Variants in SUMF1 observed in about 807,000 individuals in gnomAD.
SUMF1 encodes formylglycine-generating enzyme.
In SUMF1, 48 loss-of-function variants were observed where a neutral mutation model predicts 47.6. That is an observed-to-expected ratio of 1.01 (90% CI 0.80 to 1.28). The LOEUF (loss-of-function observed/expected upper bound fraction) is 1.28, where lower values mean the gene tolerates loss of function less well. SUMF1 is among the 50% of genes most tolerant of loss of function. The pLI is 0.00. For missense variants in SUMF1, 571 were observed against 485.4 expected (o/e 1.18, Z -1.66); for synonymous variants, 230 against 192.1 (o/e 1.20, Z -1.63).
intron 8 of SUMF1, among the ~76,000 whole-genome samples, chr3:4,333,647 G>T (rs941177696): frequency 6.6e-6 from 1 of 152,086 alleles, no homozygotes; most frequent in Non-Finnish European, 1.5e-5. Context: ...ATTCCTTCAA[G>T]TCTGATGGAC....
intron 8 of SUMF1, among the ~76,000 whole-genome samples, chr3:4,200,742 T>C (rs1280663680): frequency 2.0e-5 from 3 of 152,072 alleles, no homozygotes; most frequent in Admixed American, 6.6e-5. Context: ...ATCCATACTA[T>C]CCATACAGGA....
At chr3:4,069,895 C>A (rs962169041) in intron 8 of SUMF1, among the ~76,000 whole-genome samples, 1 of 152,152 alleles carries the variant, frequency 6.6e-6, no homozygotes, top group Non-Finnish European at 1.5e-5. Flanking sequence ...AATCCCCTTT[C>A]CCCTTTGTTT....
At position 4,381,446 on chromosome 3, in the gene SUMF1, A is replaced by G. The variant is rs561445052; in HGVS notation, c.955-5057T>C. Reference sequence around the variant, plus strand: ...CAGATCACCACTAAAGAACTTACCCATGTAACCAAACACCACCTGTTCCCC... The same window carrying G: ...CAGATCACCACTAAAGAACTTACCCGTGTAACCAAACACCACCTGTTCCCC... On this transcript the variant is annotated intron_variant, in intron 7 of 8. Transcript: ENST00000272902. Among the ~76,000 whole-genome samples the G allele has an allele frequency of 1.8e-4, 28 of 152,328 alleles. No homozygotes were observed. The South Asian group carries it at 5.2e-3, about 28-fold the overall frequency.
intron 8 of SUMF1, among the ~76,000 whole-genome samples, chr3:4,243,816 T>C (rs973830152): frequency 6.6e-6 from 1 of 152,176 alleles, no homozygotes; most frequent in Admixed American, 6.5e-5. Context: ...TGGGTAGCCT[T>C]GTTAATTTTC....
chr3:4,096,009 G>A (rs1435381544), intron 8 of SUMF1, among the ~76,000 whole-genome samples: 1 of 152,076 alleles, frequency 6.6e-6, no homozygotes, highest in African/African-American at 2.4e-5. Context: ...GCACTTAACT[G>A]TATGGGATTA....
chr3:4,171,819 C>G (rs1177813313), intron 8 of SUMF1, among the ~76,000 whole-genome samples: 1 of 152,134 alleles, frequency 6.6e-6, no homozygotes, highest in Non-Finnish European at 1.5e-5. Context: ...AAGCTAAGTT[C>G]AGGAAAAAGC....
intron 7 of SUMF1, among the ~76,000 whole-genome samples, chr3:4,377,294 C>T (rs1169743158): frequency 1.3e-5 from 2 of 151,478 alleles, no homozygotes; most frequent in South Asian, 2.1e-4. Flanking sequence ...GTCATGTAAC[C>T]GCTACCACAA....
intron 8 of SUMF1, among the ~76,000 whole-genome samples, chr3:4,093,794 G>A (rs1692841210): frequency 2.0e-5 from 3 of 152,062 alleles, no homozygotes; most frequent in Admixed American, 2.0e-4. Context: ...ACAAGGCAAG[G>A]TGGAATATGT....
Position 4,135,518 on chromosome 3 carries a change from T to A in SUMF1, c.1015-66773A>T, listed in dbSNP as rs187789772. 2.7e-4 allele frequency among the ~76,000 whole-genome samples: 41 copies of A among 152,254 alleles called. 3 individuals carry two copies. The highest frequency in any genetic ancestry group is 9.6e-4 in the African/African-American group (40 of 41,536). The stretch of plus-strand genomic sequence containing the variant: ...TATGACAAACCCATAGCCAATATCA[T>A]ACTGAATGAGCAAAAACTGGAAGCA... On this transcript the variant is annotated intron_variant and NMD_transcript_variant, in intron 8 of 12. Coordinates refer to the SUMF1 transcript ENST00000448413.
chr3:4,194,530 A>G (rs971910468), intron 8 of SUMF1, among the ~76,000 whole-genome samples: 1 of 152,216 alleles, frequency 6.6e-6, no homozygotes, highest in African/African-American at 2.4e-5. Flanking sequence ...GATAATATTT[A>G]CAGATATGGA....
intron 8 of SUMF1, among the ~76,000 whole-genome samples, chr3:4,100,512 T>C (rs1053010685): frequency 6.6e-5 from 10 of 151,962 alleles, no homozygotes; most frequent in African/African-American, 2.4e-4. Flanking sequence ...CTCACTCTTA[T>C]AAAAGAATCA....
intron 8 of SUMF1, among the ~76,000 whole-genome samples, chr3:4,268,812 T>C (rs1450123324): frequency 6.6e-6 from 1 of 152,160 alleles, no homozygotes; most frequent in Non-Finnish European, 1.5e-5. Context: ...TAATGCATTC[T>C]TCTAGTTAAT....
At chr3:4,098,404 G>C (rs946629759) in intron 8 of SUMF1, among the ~76,000 whole-genome samples, 1 of 152,118 alleles carries the variant, frequency 6.6e-6, no homozygotes, top group Admixed American at 6.5e-5. Flanking sequence ...AAATGTGGTA[G>C]AGCCTGAAAA....
In SUMF1 at chr3:4,090,085, C is replaced by T. The variant is rs527770485; in HGVS notation, c.1015-21340G>A. On this transcript the variant is annotated intron_variant and NMD_transcript_variant, in intron 8 of 12. Coordinates refer to the SUMF1 transcript ENST00000448413. ...GTTGACCAGGTATTCCCAGCACTAGCACAGTGCCTGGCCATAGCAGGTGCT... is the reference window on the plus strand; with the variant it reads ...GTTGACCAGGTATTCCCAGCACTAGTACAGTGCCTGGCCATAGCAGGTGCT... 5.3e-5 allele frequency among the ~76,000 whole-genome samples: 8 copies of T among 152,254 alleles called. No homozygotes were observed. In the South Asian group the frequency reaches 1.7e-3, roughly 32 times the overall value.
intron 8 of SUMF1, among the ~76,000 whole-genome samples, chr3:4,113,086 T>C (rs1031418223): frequency 3.9e-5 from 6 of 151,970 alleles, no homozygotes; most frequent in Non-Finnish European, 8.8e-5. Flanking sequence ...GTAAATATTT[T>C]ACACATTTAT....
At chr3:4,068,427 T>G (rs1016569199) in intron 9 of SUMF1, 1 of 159,580 alleles carries the variant, frequency 6.3e-6, no homozygotes, top group East Asian at 1.9e-4. Flanking sequence ...AAAACAATGA[T>G]AGTAATTTTA....
intron 8 of SUMF1, among the ~76,000 whole-genome samples, chr3:4,086,290 C>T (rs959071328): frequency 1.3e-5 from 2 of 151,980 alleles, no homozygotes; most frequent in African/African-American, 4.8e-5. Context: ...AAAAGAATCC[C>T]CATCCCACAT....
intron 8 of SUMF1, among the ~76,000 whole-genome samples, chr3:4,092,731 G>C (rs757596588): frequency 6.6e-6 from 1 of 152,180 alleles, no homozygotes; most frequent in Non-Finnish European, 1.5e-5. Flanking sequence ...GGGTGGAGTA[G>C]TGTGTCATTT....
rs761068735 is a variant in SUMF1 at position 4,291,331 on chromosome 3, T to C, written c.1014+84999A>G. Among the ~76,000 whole-genome samples, 14 of 152,102 alleles carry C rather than the reference T, an allele frequency of 9.2e-5. 1 individual carries two copies. The highest frequency in any genetic ancestry group is 2.0e-4 in the Admixed American group (3 of 15,264). Reference sequence around the variant, plus strand: ...ATAATCCAGATATTTTCGCTTGCCCTGACTCCCATCTTATTCCTGCTTGAA... The same window carrying C: ...ATAATCCAGATATTTTCGCTTGCCCCGACTCCCATCTTATTCCTGCTTGAA... On this transcript the variant is annotated intron_variant and NMD_transcript_variant, in intron 8 of 12. Coordinates refer to the SUMF1 transcript ENST00000448413.
Sources: allele counts gnomAD v4.1 joint callset (sites outside exome capture counted in the v4.1 genomes callset), GRCh38; gene constraint gnomAD v4.1.1; transcripts MANE v1.5; gene names NCBI Gene and HGNC (gene_info 2026-07-23, HGNC 2026-07-21).